Variants in CFAP43 observed in about 807,000 individuals in gnomAD.
CFAP43 encodes cilia and flagella associated protein 43.
CFAP43 carries 155 observed loss-of-function variants against 218.9 expected under a neutral mutation model. That is an observed-to-expected ratio of 0.71 (90% CI 0.62 to 0.81). The LOEUF (loss-of-function observed/expected upper bound fraction) is 0.81. CFAP43 is among the 30% of genes least tolerant of loss of function. The pLI, the probability that CFAP43 is intolerant of heterozygous loss-of-function variation, is 0.00. For synonymous variants in CFAP43, 645 were observed against 681.3 expected (o/e 0.95, Z 0.83); for missense variants, 1,778 against 1,954.3 (o/e 0.91, Z 1.70).
chr10:104,153,354 G>T (rs764686763), intron 27 of CFAP43, among the ~76,000 whole-genome samples: 2 of 152,088 alleles, frequency 1.3e-5, no homozygotes, highest in African/African-American at 4.8e-5. Flanking sequence ...GCACAACAGG[G>T]TGACTATAGT....
At chr10:104,210,173 A>T (rs1029594068) in intron 5 of CFAP43, among the ~76,000 whole-genome samples, 6 of 152,206 alleles carry the variant, frequency 3.9e-5, no homozygotes, top group Non-Finnish European at 7.3e-5. Flanking sequence ...AATATTTTTG[A>T]TCTGCAGTGG....
intron 19 of CFAP43, among the ~76,000 whole-genome samples, chr10:104,177,420 C>T (rs2089671358): frequency 6.6e-6 from 1 of 152,164 alleles, no homozygotes; most frequent in Non-Finnish European, 1.5e-5. Flanking sequence ...CAACTCATAA[C>T]CCTACAGGGA....
At chr10:104,232,023 G>A (rs774436117) in intron 1 of CFAP43, among the ~76,000 whole-genome samples, 159 bp downstream of exon 1, 6 of 152,060 alleles carry the variant, frequency 3.9e-5, no homozygotes, top group Non-Finnish European at 5.9e-5. Flanking sequence ...GAGGTCACAC[G>A]GGGAGGGAGG....
Position 104,193,902 on chromosome 10 carries a change from T to A in CFAP43, c.1406A>T (p.Lys469Met), listed in dbSNP as rs777147652. The A allele has an allele frequency of 6.2e-7, 1 of 1,614,012 alleles. No individual in the cohort carries two copies. The highest frequency in any genetic ancestry group is 8.5e-7 in the Non-Finnish European group (1 of 1,179,974). The stretch of plus-strand genomic sequence containing the variant: ...CACGGACGATTCCGAGAGAAAGGCC[T>A]TGTGCACGACCTGAGGGGATTCCTT... ...YDKESPQVVH[K>M]AFLSESSVQH... Residue 469 changes from lysine to methionine, a missense_variant, in exon 11 of 38, where the codon AAG (lysine) becomes ATG (methionine). Transcript: ENST00000357060.
rs2089446214 is a variant in CFAP43 at position 104,172,371 on chromosome 10, A to T, written c.2586+39T>A. 3.2e-6 allele frequency: 5 copies of T among 1,584,632 alleles called. No homozygotes were observed. In the East Asian group the frequency reaches 9.1e-5, roughly 29 times the overall value. On this transcript the variant is annotated intron_variant, in intron 20 of 37. Coordinates refer to ENST00000357060, the MANE Select transcript of CFAP43 (RefSeq NM_025145.7). ...TTCCTATTATCTTTTTACTTCTTTC[A>T]TCATAACTTTATGGTGCTTAAATTA...
intron 7 of CFAP43, among the ~76,000 whole-genome samples, chr10:104,205,162 G>A (rs1009338188): frequency 4.4e-5 from 6 of 135,654 alleles, no homozygotes; most frequent in South Asian, 2.3e-4. Flanking sequence ...GCAGTGAGCC[G>A]AGATCGCGCC....
Position 104,146,448 on chromosome 10 carries a change from A to T in CFAP43, c.3769-99T>A, listed in dbSNP as rs968790023. The T allele has an allele frequency of 5.9e-5, 49 of 831,450 alleles. No homozygotes were observed. In the African/African-American group the frequency reaches 8.1e-4, roughly 14 times the overall value. 51.5% of individuals were successfully genotyped at this position (831,450 alleles called of 1,614,324 possible). On this transcript the variant is annotated intron_variant, in intron 29 of 37. Coordinates refer to ENST00000357060, the MANE Select transcript of CFAP43 (RefSeq NM_025145.7). ...AAAGAGCAAGGAATTTCCTAGTACA[A>T]GAGAAATATGTCTGTGAAGTATTTA...
intron 35 of CFAP43, among the ~76,000 whole-genome samples, chr10:104,133,091 T>C (rs970136367): frequency 6.6e-6 from 1 of 152,162 alleles, no homozygotes; most frequent in African/African-American, 2.4e-5. Flanking sequence ...GTGAAAACTA[T>C]AGAAATGGGG....
Position 104,152,701 on chromosome 10 carries a change from A to G in CFAP43, c.3566T>C (p.Leu1189Pro). The change falls in exon 28 of 38, where the codon CTT becomes CCT. Residue 1189 changes from leucine (L) to proline (P), a missense_variant. Physicochemically the swap from Leu to Pro is moderately conservative, Grantham distance 98. This residue lies in a region of CFAP43 where 1,553 missense variants were observed against 1,685.2 expected (regional missense o/e 0.92). Coordinates refer to ENST00000357060, the MANE Select transcript of CFAP43 (RefSeq NM_025145.7). ...TGTGCTTTCTTGAATAGAGTTTTGA[A>G]GTTTCTTCAGTTCTGCTTCTAATGA... ...RKSLEAELKK[L>P]QNSIQESTQA... 6.2e-7 allele frequency: 1 copy of G among 1,612,364 alleles called. No homozygotes were observed. Among genetic ancestry groups the G allele is most frequent in the East Asian group, 2.2e-5 (1 of 44,854 alleles).
intron 3 of CFAP43, among the ~76,000 whole-genome samples, chr10:104,215,921 G>T (rs193117752): frequency 5.3e-5 from 8 of 152,178 alleles, no homozygotes; most frequent in Non-Finnish European, 1.2e-4. Flanking sequence ...CACCACCTGT[G>T]CTCTGGGTCC....
chr10:104,135,870 A>T (rs2087416338), intron 34 of CFAP43, among the ~76,000 whole-genome samples: 1 of 152,088 alleles, frequency 6.6e-6, no homozygotes. Flanking sequence ...TCAAATTCAT[A>T]TGAAGCTGCA....
At chr10:104,213,609 CA>C (rs1334741407) in intron 4 of CFAP43, among the ~76,000 whole-genome samples, 2 of 152,004 alleles carry the variant, frequency 1.3e-5, no homozygotes, top group Admixed American at 1.3e-4. Flanking sequence ...GATCTCGGCT[CA>C]CTGCAACCTC....
At chr10:104,135,735 A>G (rs1374391567) in intron 34 of CFAP43, among the ~76,000 whole-genome samples, 2 of 152,192 alleles carry the variant, frequency 1.3e-5, no homozygotes, top group East Asian at 3.8e-4. Flanking sequence ...AAATAAATGG[A>G]AAGTCATCCC....
At chr10:104,159,878 AC>A (rs2088780957) in intron 27 of CFAP43, among the ~76,000 whole-genome samples, 1 of 152,170 alleles carries the variant, frequency 6.6e-6, no homozygotes, top group African/African-American at 2.4e-5. Context: ...TGAAATCAGA[AC>A]CTGCATTTTT....
chr10:104,210,783 C>CTTTTTTTTTTTT (rs68153454), intron 5 of CFAP43, among the ~76,000 whole-genome samples: 2 of 75,448 alleles, frequency 2.7e-5, no homozygotes, highest in Admixed American at 4.1e-4. Flanking sequence ...GTGAAACACT[C>CTTTTTTTTTTTT]TTTTTTTTTT....
intron 4 of CFAP43, among the ~76,000 whole-genome samples, chr10:104,213,781 T>G (rs1262133974): frequency 6.6e-6 from 1 of 152,166 alleles, no homozygotes; most frequent in Non-Finnish European, 1.5e-5. Flanking sequence ...GTGATCCGCC[T>G]GCCTCGGCCT....
intron 31 of CFAP43, among the ~76,000 whole-genome samples, chr10:104,144,206 G>A (rs534517114): frequency 5.3e-5 from 8 of 152,182 alleles, no homozygotes; most frequent in African/African-American, 1.9e-4. Flanking sequence ...ATGGCCCAAG[G>A]CTATCAGTCT....
chr10:104,203,622 T>A (rs949283369), intron 8 of CFAP43, 50 bp downstream of exon 8: 1 of 1,552,936 alleles, frequency 6.4e-7, no homozygotes, highest in Non-Finnish European at 8.7e-7. Context: ...GTAATGATGA[T>A]AATAATACTA....
intron 19 of CFAP43, among the ~76,000 whole-genome samples, chr10:104,174,436 T>C (rs1478346271): frequency 2.0e-5 from 3 of 152,186 alleles, no homozygotes; most frequent in Admixed American, 2.0e-4. Context: ...ACTTATTCAC[T>C]ACTGCAAGAA....
Sources: gnomAD v4.1 joint callset for allele counts (sites outside exome capture counted in the v4.1 genomes callset) on GRCh38, gnomAD v4.1.1 for gene constraint, gnomAD v4.1.1 regional missense constraint, MANE v1.5 for transcripts, NCBI Gene and HGNC (gene_info 2026-07-23, HGNC 2026-07-21) for gene names.